ASTN2: variants seen among roughly 807,000 people sequenced by gnomAD.
ASTN2 encodes the protein astrotactin 2, also known as astrotactin-2.
In ASTN2, 54 loss-of-function variants were observed where a neutral mutation model predicts 139.8. The ratio of observed to expected loss-of-function variants is 0.39; its 90% CI spans 0.31 to 0.48. ASTN2 has a LOEUF of 0.48. Among genes scored for constraint, ASTN2 ranks in the 20% least tolerant of loss-of-function variants. The pLI is 0.95. For missense variants in ASTN2, 1,565 were observed against 1,725.1 expected, an observed-to-expected ratio of 0.91 and a Z score of 1.64; for synonymous variants, 756 against 719.5, an observed-to-expected ratio of 1.05 and a Z score of -0.81.
chr9:116,487,810 C>CT (rs60661878), intron 19 of ASTN2, among the ~76,000 whole-genome samples: 5,669 of 149,476 alleles, frequency 0.038, 342 homozygotes, highest in African/African-American at 0.13. Flanking sequence ...GGATATTATG[C>CT]TTTTTTTTTT....
chr9:116,974,299 A>T (rs1836287376), intron 10 of ASTN2, among the ~76,000 whole-genome samples: 1 of 152,168 alleles, frequency 6.6e-6, no homozygotes, highest in African/African-American at 2.4e-5. Context: ...TCCAATATGT[A>T]CTAGGAGCTG....
At chr9:117,036,334 C>T (rs1014386300) in intron 6 of ASTN2, among the ~76,000 whole-genome samples, 1 of 152,142 alleles carries the variant, frequency 6.6e-6, no homozygotes, top group Non-Finnish European at 1.5e-5. Flanking sequence ...CATCGCATCT[C>T]CAGGATGTGT....
intron 4 of ASTN2, among the ~76,000 whole-genome samples, chr9:117,120,018 G>GTGTGTGTGTGTGTATATATATA (rs1306397698): frequency 6.5e-5 from 3 of 45,994 alleles, no homozygotes; most frequent in Admixed American, 3.0e-4. Context: ...GTGTGTGTGT[G>GTGTGTGTGTGTGTATATATATA]TATATATATA....
intron 12 of ASTN2, among the ~76,000 whole-genome samples, chr9:116,814,053 AAGAG>A (rs1554750068): frequency 1.3e-5 from 2 of 151,544 alleles, no homozygotes; most frequent in East Asian, 1.9e-4. Context: ...AAAAAAAAAA[AAGAG>A]AGAGAGAGAA....
chr9:116,538,538 G>A (rs570225254), intron 19 of ASTN2, among the ~76,000 whole-genome samples: 35 of 152,248 alleles, frequency 2.3e-4, no homozygotes, highest in African/African-American at 6.0e-4. Flanking sequence ...TGTGGTGTTC[G>A]ACTTGTGAAT....
At chr9:117,136,291 C>G (rs1829949597) in intron 4 of ASTN2, among the ~76,000 whole-genome samples, 1 of 152,084 alleles carries the variant, frequency 6.6e-6, no homozygotes, top group Admixed American at 6.6e-5. Flanking sequence ...GTTCTTCTTC[C>G]TGGGACATCA....
chr9:117,266,788 T>C (rs1833947428), intron 2 of ASTN2, among the ~76,000 whole-genome samples: 2 of 152,362 alleles, frequency 1.3e-5, no homozygotes, highest in East Asian at 3.8e-4. Flanking sequence ...TTAGTGGGTA[T>C]AAACTTTTTA....
intron 13 of ASTN2, among the ~76,000 whole-genome samples, chr9:116,780,811 G>A (rs1173167356): frequency 6.6e-6 from 1 of 151,300 alleles, no homozygotes; most frequent in African/African-American, 2.4e-5. Flanking sequence ...TAATATACAT[G>A]AATGAGTGAA....
intron 16 of ASTN2, among the ~76,000 whole-genome samples, chr9:116,659,911 G>A (rs944520440): frequency 6.6e-6 from 1 of 152,006 alleles, no homozygotes; most frequent in African/African-American, 2.4e-5. Flanking sequence ...TCTCATCCAG[G>A]AACCACACTT....
intron 2 of ASTN2, among the ~76,000 whole-genome samples, chr9:117,250,196 G>C (rs1833499882): frequency 6.6e-6 from 1 of 152,208 alleles, no homozygotes; most frequent in African/African-American, 2.4e-5. Context: ...GGCAGAACCA[G>C]CAATGAATGT....
At chr9:116,687,539 G>T (rs1860325788) in intron 16 of ASTN2, among the ~76,000 whole-genome samples, 1 of 142,938 alleles carries the variant, frequency 7.0e-6, no homozygotes, top group Non-Finnish European at 1.5e-5. Flanking sequence ...TAGGGTGGGG[G>T]TGGGGCTGCG....
intron 10 of ASTN2, among the ~76,000 whole-genome samples, chr9:116,956,687 T>C (rs930912101): frequency 1.3e-5 from 2 of 151,940 alleles, no homozygotes; most frequent in South Asian, 2.1e-4. Flanking sequence ...CATACATACA[T>C]ACATACACAC....
chr9:117,314,534 G>T (rs1197107208), intron 1 of ASTN2, among the ~76,000 whole-genome samples: 1 of 147,888 alleles, frequency 6.8e-6, no homozygotes, highest in African/African-American at 2.5e-5. Flanking sequence ...AACCAAGTAG[G>T]GTTATATATT....
intron 5 of ASTN2, among the ~76,000 whole-genome samples, chr9:117,072,353 G>C (rs113317881): frequency 6.6e-6 from 1 of 152,164 alleles, no homozygotes; most frequent in South Asian, 2.1e-4. Flanking sequence ...ACTGTGGATC[G>C]TAATGCTGAG....
In ASTN2 at chr9:117,134,960, T is replaced by C. The variant is rs942163762; in HGVS notation, c.1168+6366A>G. ...CATGGGACTGGCTCCCTGGGGTTAG[T>C]TAAAAGCTGAGGGGACAGTGCTGAT... On this transcript the variant is annotated intron_variant, in intron 4 of 22. Transcript: ENST00000313400. Among the ~76,000 whole-genome samples, 3 of 152,276 alleles carry C rather than the reference T, an allele frequency of 2.0e-5. No homozygotes were observed. The East Asian group carries it at 5.8e-4, about 29-fold the overall frequency.
chr9:116,761,651 G>A (rs369906862), intron 13 of ASTN2, among the ~76,000 whole-genome samples: 2 of 152,284 alleles, frequency 1.3e-5, no homozygotes, highest in South Asian at 2.1e-4. Flanking sequence ...ATGGGTGATA[G>A]CAGGTAAGAC....
At chr9:116,935,015 A>G (rs1431409028) in intron 10 of ASTN2, among the ~76,000 whole-genome samples, 1 of 152,110 alleles carries the variant, frequency 6.6e-6, no homozygotes, top group African/African-American at 2.4e-5. Context: ...TATTTTTCTT[A>G]CCTGTAAAGA....
At chr9:116,721,932 T>C (rs1828483283) in intron 16 of ASTN2, among the ~76,000 whole-genome samples, 2 of 152,220 alleles carry the variant, frequency 1.3e-5, no homozygotes, top group South Asian at 2.1e-4. Flanking sequence ...ACCACTATAC[T>C]TCCTTTCTGT....
intron 1 of ASTN2, among the ~76,000 whole-genome samples, chr9:117,304,693 T>C (rs1325599464): frequency 1.3e-5 from 2 of 152,212 alleles, no homozygotes; most frequent in Non-Finnish European, 2.9e-5. Context: ...GCAGCCTTGA[T>C]TGTAATTCAG....
Sources: gnomAD v4.1 joint callset for allele counts (sites outside exome capture counted in the v4.1 genomes callset) on GRCh38, gnomAD v4.1.1 for gene constraint, MANE v1.5 for transcripts, NCBI Gene and HGNC (gene_info 2026-07-23, HGNC 2026-07-21) for gene names.